CACNB2: variants seen among roughly 807,000 people sequenced by gnomAD.
The protein encoded by CACNB2 is voltage-dependent L-type calcium channel subunit beta-2.
Under a neutral mutation model 73.3 loss-of-function variants are expected in CACNB2, and 42 were observed. That is an observed-to-expected ratio of 0.57 (90% CI 0.45 to 0.74). CACNB2 has a LOEUF of 0.74. Among genes scored for constraint, CACNB2 ranks in the 30% least tolerant of loss-of-function variants. The probability of loss-of-function intolerance (pLI) is 0.00; values close to 1 mark genes in which losing one functional copy is unlikely to be tolerated. For synonymous variants in CACNB2, 348 were observed against 310.3 expected (o/e 1.12, Z -1.28); for missense variants, 940 against 853.0 (o/e 1.10, Z -1.27).
chr10:18,505,073 A>G lies in CACNB2; in HGVS notation c.594-1398A>G, dbSNP rs984216282. On this transcript the variant is annotated intron_variant, in intron 5 of 13. Coordinates refer to ENST00000324631, the MANE Select transcript of CACNB2 (RefSeq NM_201596.3). ...GGAAATGGAATTGGGGTACCGTTCA[A>G]GAACTTGGCATTTTAATAGAATTAA... 3.9e-5 allele frequency among the ~76,000 whole-genome samples: 6 copies of G among 152,364 alleles called. No individual in the cohort carries two copies. The South Asian group carries it at 1.2e-3, about 32-fold the overall frequency.
chr10:18,440,090 GT>G (rs2046338584), intron 3 of CACNB2, among the ~76,000 whole-genome samples: 2 of 152,166 alleles, frequency 1.3e-5, no homozygotes, highest in South Asian at 4.1e-4. Context: ...TCTGGGGAAG[GT>G]TTGATCTCTG....
In CACNB2 at chr10:18,539,271, C is replaced by T. The variant is rs942352914; in HGVS notation, c.1530C>T (p.Ile510=). Residue 510 remains isoleucine (I), a synonymous_variant, in exon 14 of 14, where the codon ATC becomes ATT. Transcript: ENST00000324631. ...AGAGGACTGATCGCTCCGCTCCTATCCGTTCTGCTTCCCAAGCTGAAGAAG... is the reference window on the plus strand; with the variant it reads ...AGAGGACTGATCGCTCCGCTCCTATTCGTTCTGCTTCCCAAGCTGAAGAAG... The part of the protein sequence containing the change: ...GDQRTDRSAP[I]RSASQAEEEP... The T allele has an allele frequency of 6.2e-7, 1 of 1,614,010 alleles. No homozygotes were observed. The highest frequency in any genetic ancestry group is 1.7e-5 in the Admixed American group (1 of 59,982).
At chr10:18,537,752 G>A (rs2053743792) in intron 12 of CACNB2, among the ~76,000 whole-genome samples, 1 of 152,074 alleles carries the variant, frequency 6.6e-6, no homozygotes, top group Non-Finnish European at 1.5e-5. Flanking sequence ...ACTCCAGCCT[G>A]GGTAACAGAG....
At chr10:18,387,542 C>G (rs1295829893) in intron 2 of CACNB2, among the ~76,000 whole-genome samples, 2 of 152,080 alleles carry the variant, frequency 1.3e-5, no homozygotes, top group Non-Finnish European at 2.9e-5. Flanking sequence ...AATAATAATA[C>G]TGAGTTGTGC....
At chr10:18,418,530 G>C (rs1390473790) in intron 3 of CACNB2, among the ~76,000 whole-genome samples, 1 of 152,206 alleles carries the variant, frequency 6.6e-6, no homozygotes, top group Non-Finnish European at 1.5e-5. Flanking sequence ...AGGCAGATAA[G>C]ATTGAAAACC....
chr10:18,369,628 C>A (rs543661760), intron 2 of CACNB2, among the ~76,000 whole-genome samples: 28 of 152,184 alleles, frequency 1.8e-4, no homozygotes, highest in Middle Eastern at 3.4e-3. Flanking sequence ...ATAAGAGGGT[C>A]GAGCATGGGG....
chr10:18,345,742 G>A (rs2041422961), intron 2 of CACNB2, among the ~76,000 whole-genome samples: 1 of 152,102 alleles, frequency 6.6e-6, no homozygotes, highest in Admixed American at 6.5e-5. Flanking sequence ...TCTAGAGGTT[G>A]GCTTGAAGAA....
chr10:18,290,598 G>A (rs1279181391), intron 2 of CACNB2, among the ~76,000 whole-genome samples: 1 of 152,198 alleles, frequency 6.6e-6, no homozygotes, highest in Non-Finnish European at 1.5e-5. Flanking sequence ...GGAAGAAAAA[G>A]TAAAAAGTGA....
At position 18,410,376 on chromosome 10, in the gene CACNB2, G is replaced by T. The variant is rs144539241; in HGVS notation, c.333+8333G>T. Among the ~76,000 whole-genome samples the T allele has an allele frequency of 1.6e-3, 245 of 152,078 alleles. 2 individuals carry two copies. The highest frequency in any genetic ancestry group is 5.8e-3 in the African/African-American group (239 of 41,532). ...TTTTCAGTAAACATACTACAAAAAA[G>T]AAAAAATATTTCTCATCTTGCCTTA... is the stretch of plus-strand genomic sequence containing the variant. On this transcript the variant is annotated intron_variant, in intron 3 of 13. Coordinates refer to ENST00000324631, the MANE Select transcript of CACNB2 (RefSeq NM_201596.3).
At chr10:18,512,628 C>T (rs2050875355) in intron 6 of CACNB2, among the ~76,000 whole-genome samples, 1 of 152,176 alleles carries the variant, frequency 6.6e-6, no homozygotes, top group Admixed American at 6.5e-5. Context: ...GGCCTAAATA[C>T]ATCTTTATTA....
At position 18,429,655 on chromosome 10, in the gene CACNB2, C is replaced by T. The variant is rs143557043; in HGVS notation, c.333+27612C>T. Among the ~76,000 whole-genome samples, 836 of 136,924 alleles carry T rather than the reference C, an allele frequency of 6.1e-3. 40 individuals are homozygous for T. Among genetic ancestry groups the T allele is most frequent in the African/African-American group, 0.023 (791 of 34,912 alleles). The allele number at this position is 136,924 out of a possible 152,430, so 89.8% of individuals were successfully genotyped here. On this transcript the variant is annotated intron_variant, in intron 3 of 13. Coordinates refer to ENST00000324631, the MANE Select transcript of CACNB2 (RefSeq NM_201596.3). ...CAGCTTGGGCAACATAGCAAGACTC[C>T]GTCTCTACCAAAAAAAAAAAAAAAA...
intron 3 of CACNB2, among the ~76,000 whole-genome samples, chr10:18,464,701 C>G (rs544240640): frequency 6.6e-6 from 1 of 152,344 alleles, no homozygotes; most frequent in South Asian, 2.1e-4. Context: ...CCACCATCCA[C>G]TCTCATCTGG....
intron 2 of CACNB2, among the ~76,000 whole-genome samples, chr10:18,252,344 C>T (rs1022888404): frequency 7.9e-5 from 12 of 152,138 alleles, no homozygotes; most frequent in Admixed American, 2.6e-4. Context: ...CAAACAGAGT[C>T]GTTCTTTTGA....
At chr10:18,348,987 G>C (rs996324820) in intron 2 of CACNB2, among the ~76,000 whole-genome samples, 9 of 152,204 alleles carry the variant, frequency 5.9e-5, no homozygotes, top group African/African-American at 9.6e-5. Context: ...CACATGTGGT[G>C]GTGTGTGCCT....
At chr10:18,460,522 T>C (rs1421992668) in intron 3 of CACNB2, among the ~76,000 whole-genome samples, 2 of 152,128 alleles carry the variant, frequency 1.3e-5, no homozygotes, top group East Asian at 1.9e-4. Context: ...AGATTGAGTT[T>C]AGTGATGGTG....
At chr10:18,212,013 G>A (rs1447616699) in intron 2 of CACNB2, among the ~76,000 whole-genome samples, 1 of 152,142 alleles carries the variant, frequency 6.6e-6, no homozygotes, top group Non-Finnish European at 1.5e-5. Flanking sequence ...TTTTCAGGGT[G>A]TTCACAGCTG....
At chr10:18,522,348 A>T (rs945484820) in intron 9 of CACNB2, among the ~76,000 whole-genome samples, 5 of 152,064 alleles carry the variant, frequency 3.3e-5, no homozygotes, top group African/African-American at 1.2e-4. Context: ...CCCCACTCCT[A>T]CCAAACCGGT....
chr10:18,311,179 C>A (rs552992544), intron 2 of CACNB2, among the ~76,000 whole-genome samples: 4 of 151,992 alleles, frequency 2.6e-5, no homozygotes, highest in Non-Finnish European at 4.4e-5. Context: ...TTATTTTGGA[C>A]CTTTTAGGCT....
intron 13 of CACNB2, 42 bp downstream of exon 13, chr10:18,538,407 T>C (rs186919216): frequency 8.8e-6 from 14 of 1,588,616 alleles, no homozygotes; most frequent in Non-Finnish European, 1.1e-5. Context: ...ACAATCTTCA[T>C]AGAAAAAAGG....
Sources: gnomAD v4.1 joint callset for allele counts (sites outside exome capture counted in the v4.1 genomes callset) on GRCh38, gnomAD v4.1.1 for gene constraint, MANE v1.5 for transcripts, NCBI Gene and HGNC (gene_info 2026-07-23, HGNC 2026-07-21) for gene names.